Variants in MCTP2 observed in about 807,000 individuals in gnomAD.
MCTP2 encodes the protein multiple C2 and transmembrane domain-containing protein 2.
MCTP2 carries 132 observed loss-of-function variants against 111.6 expected under a neutral mutation model. The observed-to-expected ratio is 1.18, with a 90% CI of 1.03 to 1.37. The LOEUF (loss-of-function observed/expected upper bound fraction) is 1.37. Among genes scored for constraint, MCTP2 ranks in the 40% most tolerant of loss-of-function variants. The probability of loss-of-function intolerance (pLI) is 0.00; values close to 1 mark genes in which losing one functional copy is unlikely to be tolerated. For synonymous variants in MCTP2, 395 were observed against 387.7 expected (o/e 1.02, Z -0.22); for missense variants, 1,183 against 1,067.9 (o/e 1.11, Z -1.50).
intron 19 of MCTP2, among the ~76,000 whole-genome samples, chr15:94,457,436 T>C (rs1166546067): frequency 6.6e-6 from 1 of 152,188 alleles, no homozygotes; most frequent in Non-Finnish European, 1.5e-5. Context: ...ACATGAAGCA[T>C]TGGAAATTAC....
chr15:94,298,834 C>CT, intron 2 of MCTP2, 104 bp downstream of exon 2: 1 of 412,140 alleles, frequency 2.4e-6, no homozygotes, highest in South Asian at 3.1e-5. Flanking sequence ...CCCCCTCCCC[C>CT]TCCCTCTCTC....
intron 1 of MCTP2, among the ~76,000 whole-genome samples, chr15:94,251,805 T>C (rs915222944): frequency 4.6e-5 from 7 of 152,178 alleles, no homozygotes; most frequent in African/African-American, 1.7e-4. Flanking sequence ...CCTCTCCCTC[T>C]GCCCCTGACA....
chr15:94,402,747 G>A (rs2081664848), intron 17 of MCTP2: 1 of 1,429,068 alleles, frequency 7.0e-7, no homozygotes, highest in Non-Finnish European at 9.1e-7. Flanking sequence ...GCCATGGGAG[G>A]AGAAATCAAG....
At chr15:94,387,447 G>A (rs150897345) in intron 14 of MCTP2, among the ~76,000 whole-genome samples, 1 of 152,204 alleles carries the variant, frequency 6.6e-6, no homozygotes, top group East Asian at 1.9e-4. Flanking sequence ...CTAAACTAAT[G>A]CATTTTTCAA....
At chr15:94,454,123 A>G (rs1265666377) in intron 19 of MCTP2, among the ~76,000 whole-genome samples, 1 of 152,238 alleles carries the variant, frequency 6.6e-6, no homozygotes, top group Non-Finnish European at 1.5e-5. Flanking sequence ...TACCTAATAT[A>G]TGAAAACAAA....
chr15:94,259,305 G>A (rs1567290186), intron 1 of MCTP2, among the ~76,000 whole-genome samples: 1 of 152,190 alleles, frequency 6.6e-6, no homozygotes, highest in Admixed American at 6.5e-5. Context: ...ATGCTACAGT[G>A]CACAGCCTGG....
chr15:94,312,273 CTA>C (rs1249630341), intron 2 of MCTP2, among the ~76,000 whole-genome samples: 1 of 152,120 alleles, frequency 6.6e-6, no homozygotes, highest in African/African-American at 2.4e-5. Context: ...ACAAATAAAT[CTA>C]TTGATATTGG....
chr15:94,239,334 C>G lies in MCTP2; in HGVS notation c.-66+7670C>G, dbSNP rs532395869. On this transcript the variant is annotated intron_variant, in intron 1 of 22. Coordinates refer to ENST00000357742, the MANE Select transcript of MCTP2 (RefSeq NM_001385001.1). Reference sequence around the variant, plus strand: ...ACCTTTGGGATCAGCTGTTCCACCTCCAGTTGCCCCTTCATGAATAATCTG... The same window carrying G: ...ACCTTTGGGATCAGCTGTTCCACCTGCAGTTGCCCCTTCATGAATAATCTG... 1.4e-3 allele frequency among the ~76,000 whole-genome samples: 211 copies of G among 152,324 alleles called. 1 individual carries two copies. The highest frequency in any genetic ancestry group is 2.2e-3 in the Non-Finnish European group (150 of 68,026).
At chr15:94,305,476 C>T (rs1032053850) in intron 2 of MCTP2, among the ~76,000 whole-genome samples, 1 of 152,142 alleles carries the variant, frequency 6.6e-6, no homozygotes, top group Non-Finnish European at 1.5e-5. Flanking sequence ...CACATACACA[C>T]ACATGCGGAT....
intron 1 of MCTP2, among the ~76,000 whole-genome samples, chr15:94,282,130 T>G (rs1361122529): frequency 6.6e-6 from 1 of 152,220 alleles, no homozygotes; most frequent in African/African-American, 2.4e-5. Flanking sequence ...TCTTATATCC[T>G]CAAATATGTT....
chr15:94,238,304 CTT>C (rs765250869), intron 1 of MCTP2, among the ~76,000 whole-genome samples: 2 of 152,084 alleles, frequency 1.3e-5, no homozygotes, highest in Non-Finnish European at 2.9e-5. Flanking sequence ...CATATATCCT[CTT>C]GTTATTTTCT....
intron 1 of MCTP2, among the ~76,000 whole-genome samples, chr15:94,279,512 A>G (rs950862943): frequency 2.0e-5 from 3 of 151,996 alleles, no homozygotes; most frequent in African/African-American, 7.2e-5. Flanking sequence ...GGAGGCTTTG[A>G]GCAGGGACTA....
intron 4 of MCTP2, among the ~76,000 whole-genome samples, chr15:94,316,612 G>A (rs2076389968): frequency 1.3e-5 from 2 of 152,076 alleles, no homozygotes; most frequent in South Asian, 2.1e-4. Context: ...TCAATTGAGT[G>A]TTTTCTTCTA....
rs187244540 is a variant in MCTP2, at chr15:94,245,156, G to A, written c.-66+13492G>A. On this transcript the variant is annotated intron_variant, in intron 1 of 22. Transcript: ENST00000357742. The stretch of plus-strand genomic sequence containing the variant: ...TGTATATATTTATACACACATGTTT[G>A]TATATTTATACACATGTATAGATTT... Among the ~76,000 whole-genome samples, 227 of 146,692 alleles carry A rather than the reference G, an allele frequency of 1.5e-3. 1 individual carries two copies. Among genetic ancestry groups the A allele is most frequent in the African/African-American group, 5.5e-3 (223 of 40,300 alleles).
At chr15:94,349,679 G>C (rs1454412086) in intron 8 of MCTP2, among the ~76,000 whole-genome samples, 3 of 151,988 alleles carry the variant, frequency 2.0e-5, no homozygotes, top group Non-Finnish European at 4.4e-5. Context: ...AATTAGCCGG[G>C]CGTGGTGGCA....
intron 8 of MCTP2, among the ~76,000 whole-genome samples, chr15:94,353,385 A>C (rs529015588): frequency 6.6e-6 from 1 of 152,286 alleles, no homozygotes; most frequent in African/African-American, 2.4e-5. Flanking sequence ...AGGCCCCCTT[A>C]ATAACCAGCT....
At chr15:94,436,753 C>T (rs988021388) in intron 17 of MCTP2, among the ~76,000 whole-genome samples, 1 of 152,104 alleles carries the variant, frequency 6.6e-6, no homozygotes, top group Non-Finnish European at 1.5e-5. Context: ...TTATGTCAGC[C>T]TCTTCTTACT....
intron 2 of MCTP2, 63 bp from the exon 3 acceptor site, chr15:94,314,219 A>G (rs2152362835): frequency 2.7e-6 from 3 of 1,108,284 alleles, no homozygotes; most frequent in East Asian, 2.4e-5. Flanking sequence ...GATAGAGGGT[A>G]TCTTCCTGAG....
At chr15:94,416,082 C>A (rs904120930) in intron 17 of MCTP2, among the ~76,000 whole-genome samples, 1 of 152,072 alleles carries the variant, frequency 6.6e-6, no homozygotes, top group Non-Finnish European at 1.5e-5. Context: ...GCATTTTCTA[C>A]CCACTATGCA....
Sources: gnomAD v4.1 joint callset for allele counts (sites outside exome capture counted in the v4.1 genomes callset) on GRCh38, gnomAD v4.1.1 for gene constraint, MANE v1.5 for transcripts, NCBI Gene and HGNC (gene_info 2026-07-23, HGNC 2026-07-21) for gene names.